Variants in MARK1 observed in about 807,000 individuals in gnomAD.
MARK1 encodes the protein microtubule affinity regulating kinase 1.
In MARK1, 40 loss-of-function variants were observed where a neutral mutation model predicts 96.3. The ratio of observed to expected loss-of-function variants is 0.42; its 90% CI spans 0.32 to 0.54. The LOEUF (loss-of-function observed/expected upper bound fraction) is 0.54, where lower values mean the gene tolerates loss of function less well. Among genes scored for constraint, MARK1 ranks in the 20% least tolerant of loss-of-function variants. MARK1 has a pLI of 0.16. For missense variants in MARK1, 719 were observed against 984.6 expected, an observed-to-expected ratio of 0.73 and a Z score of 3.61; for synonymous variants, 317 against 341.2, an observed-to-expected ratio of 0.93 and a Z score of 0.78.
intron 3 of MARK1, among the ~76,000 whole-genome samples, chr1:220,587,137 A>G (rs1347361225): frequency 3.3e-5 from 5 of 152,064 alleles, no homozygotes; most frequent in African/African-American, 1.2e-4. Flanking sequence ...TTTTTTTTAC[A>G]TATGATTGTA....
chr1:220,629,880 G>C (rs1667571543), intron 9 of MARK1, among the ~76,000 whole-genome samples: 1 of 152,036 alleles, frequency 6.6e-6, no homozygotes, highest in South Asian at 2.1e-4. Context: ...TCCACATCCT[G>C]GCTTTTGTGA....
intron 6 of MARK1, among the ~76,000 whole-genome samples, chr1:220,611,794 G>A (rs539896523): frequency 4.5e-4 from 68 of 151,954 alleles, no homozygotes; most frequent in African/African-American, 1.5e-3. Context: ...GTGCAGTGGC[G>A]CTATCTTGTC....
intron 6 of MARK1, among the ~76,000 whole-genome samples, chr1:220,609,694 A>T (rs184440452): frequency 6.6e-6 from 1 of 152,126 alleles, no homozygotes; most frequent in East Asian, 1.9e-4. Context: ...GGCTGGTACC[A>T]GTTGTTTCTT....
intron 7 of MARK1, among the ~76,000 whole-genome samples, chr1:220,617,158 T>C (rs1195601280): frequency 6.6e-6 from 1 of 152,176 alleles, no homozygotes; most frequent in Admixed American, 6.5e-5. Flanking sequence ...AGTTCAAAAA[T>C]GTGACAATCT....
intron 13 of MARK1, among the ~76,000 whole-genome samples, chr1:220,644,044 G>A (rs986967636): frequency 3.9e-5 from 6 of 152,120 alleles, no homozygotes; most frequent in African/African-American, 1.4e-4. Context: ...GCATTATGAT[G>A]ACAGGATCAA....
Position 220,573,318 on chromosome 1 carries a change from GTTTA to G in MARK1, c.52-6020_52-6017del, listed in dbSNP as rs560982654. Among the ~76,000 whole-genome samples the G allele has an allele frequency of 2.4e-4, 37 of 151,922 alleles. No individual in the cohort carries two copies. In the South Asian group the frequency reaches 6.0e-3, roughly 25 times the overall value. ...ACCCACCACAGATCATAGAGGCTTT[GTTTA>G]TTTATTTATTTATTTTTTTGAGATG... On this transcript the variant is annotated intron_variant, in intron 1 of 17. Transcript: ENST00000366917.
intron 1 of MARK1, among the ~76,000 whole-genome samples, chr1:220,546,472 C>A (rs953895888): frequency 1.1e-4 from 17 of 152,130 alleles, no homozygotes; most frequent in African/African-American, 4.1e-4. Context: ...TTAGCAAATA[C>A]TAGGATTGGT....
At chr1:220,626,335 T>C (rs532879472) in intron 9 of MARK1, 11 of 547,646 alleles carry the variant, frequency 2.0e-5, no homozygotes, top group African/African-American at 9.5e-5. Flanking sequence ...TTCTCCTAAG[T>C]AGGGAGAGAA....
intron 1 of MARK1, among the ~76,000 whole-genome samples, chr1:220,535,416 A>G (rs1010743565): frequency 6.6e-6 from 1 of 152,112 alleles, no homozygotes; most frequent in African/African-American, 2.4e-5. Context: ...ACATTTAAAA[A>G]TCAAGTTTTT....
chr1:220,652,165 A>G lies in MARK1; in HGVS notation c.1736+15A>G, dbSNP rs1668919365. 1.3e-6 allele frequency: 2 copies of G among 1,579,020 alleles called. No homozygotes were observed. On this transcript the variant is annotated intron_variant, in intron 15 of 17. Coordinates refer to ENST00000366917, the MANE Select transcript of MARK1 (RefSeq NM_018650.5). Reference sequence around the variant, plus strand: ...TACCGGCCTGGGTAATGTGTTGGTTACATCTCATTTTGTTCATTAAGAGTT... The same window carrying G: ...TACCGGCCTGGGTAATGTGTTGGTTGCATCTCATTTTGTTCATTAAGAGTT...
rs112775255 is a variant in MARK1, at chr1:220,614,030, C to T, written c.496-1909C>T. Reference sequence around the variant, plus strand: ...GTTTGTTTGTTTGTTGTTTTTGAGACAGAGTCTCACTCTGTTATCCAGGTT... The same window carrying T: ...GTTTGTTTGTTTGTTGTTTTTGAGATAGAGTCTCACTCTGTTATCCAGGTT... On this transcript the variant is annotated intron_variant, in intron 6 of 17. Coordinates refer to ENST00000366917, the MANE Select transcript of MARK1 (RefSeq NM_018650.5). 5.1e-3 allele frequency among the ~76,000 whole-genome samples: 780 copies of T among 152,092 alleles called. 9 individuals carry two copies. Among genetic ancestry groups the T allele is most frequent in the East Asian group, 0.037 (193 of 5,180 alleles).
chr1:220,546,972 CAAAAA>C (rs56026911), intron 1 of MARK1, among the ~76,000 whole-genome samples: 2 of 131,090 alleles, frequency 1.5e-5, no homozygotes. Context: ...ACTCCGTCTC[CAAAAA>C]AAAAAAAAAA....
Position 220,618,832 on chromosome 1 carries a change from A to G in MARK1, c.909+77A>G, listed in dbSNP as rs1666900935. ...AGGAACCGAAGAGCATTTTTCTCCT[A>G]TGTTTTCTTAGGAAAATTGCCAAAT... is the stretch of plus-strand genomic sequence containing the variant. On this transcript the variant is annotated intron_variant, in intron 9 of 17. Coordinates refer to ENST00000366917, the MANE Select transcript of MARK1 (RefSeq NM_018650.5). The surrounding 1 kb of genome is among the most constrained non-coding windows in gnomAD (Gnocchi z 4.6). The G allele has an allele frequency of 2.3e-6, 3 of 1,303,144 alleles. No homozygotes were observed. The highest frequency in any genetic ancestry group is 2.9e-5 in the Admixed American group (1 of 34,488). 80.7% of individuals were successfully genotyped at this position (1,303,144 alleles called of 1,614,324 possible). A position where few individuals can be genotyped will look rare whatever the true frequency, so the allele number is the denominator to read the frequency against.
chr1:220,644,952 C>T (rs1303691760), intron 13 of MARK1, among the ~76,000 whole-genome samples: 1 of 152,092 alleles, frequency 6.6e-6, no homozygotes, highest in East Asian at 1.9e-4. Context: ...ATTTATAGCA[C>T]TAAATACCAC....
intron 6 of MARK1, among the ~76,000 whole-genome samples, chr1:220,604,972 C>A (rs1484267998): frequency 6.6e-6 from 1 of 152,090 alleles, no homozygotes; most frequent in Non-Finnish European, 1.5e-5. Context: ...CTCGCTACCT[C>A]TTCTGCCTGC....
At chr1:220,557,885 T>A (rs1232774814) in intron 1 of MARK1, among the ~76,000 whole-genome samples, 1 of 151,902 alleles carries the variant, frequency 6.6e-6, no homozygotes, top group Non-Finnish European at 1.5e-5. Flanking sequence ...ATCCCAGAAC[T>A]TTGGGAAGCT....
At chr1:220,655,430 A>G (rs1185215793) in intron 16 of MARK1, among the ~76,000 whole-genome samples, 1 of 152,210 alleles carries the variant, frequency 6.6e-6, no homozygotes, top group Non-Finnish European at 1.5e-5. Flanking sequence ...GAACATGTTC[A>G]AAAGTAAACT....
intron 1 of MARK1, among the ~76,000 whole-genome samples, chr1:220,537,098 T>A (rs1434163313): frequency 6.6e-6 from 1 of 152,014 alleles, no homozygotes; most frequent in East Asian, 1.9e-4. Flanking sequence ...CTAGTTTTTT[T>A]TTTTTTTAAT....
At position 220,658,080 on chromosome 1, in the gene MARK1, A is replaced by G. The variant is rs187643726; in HGVS notation, c.2033+246A>G. Among the ~76,000 whole-genome samples, 533 of 152,328 alleles carry G rather than the reference A, an allele frequency of 3.5e-3. 2 individuals carry two copies. Among genetic ancestry groups the G allele is most frequent in the Non-Finnish European group, 4.6e-3 (310 of 68,030 alleles). On this transcript the variant is annotated intron_variant, in intron 17 of 17. Transcript: ENST00000366917. ...TATAGAAATAGGCTTTCTGTTCTATAAAGTATGTCAAGCTAAAGAATTAAT... is the reference window on the plus strand; with the variant it reads ...TATAGAAATAGGCTTTCTGTTCTATGAAGTATGTCAAGCTAAAGAATTAAT...
Sources: allele counts gnomAD v4.1 joint callset (sites outside exome capture counted in the v4.1 genomes callset), GRCh38; gene constraint gnomAD v4.1.1; non-coding constraint Gnocchi (gnomAD v3.1); transcripts MANE v1.5; gene names NCBI Gene and HGNC (gene_info 2026-07-23, HGNC 2026-07-21).